The following TNFSF4 variants were observed in gnomAD, a reference collection of about 807,000 sequenced individuals.
TNFSF4 encodes TNF superfamily member 4, also known as tumor necrosis factor ligand superfamily member 4.
Under a neutral mutation model 7.3 loss-of-function variants are expected in TNFSF4, and 4 were observed. That is an observed-to-expected ratio of 0.55 (90% CI 0.27 to 1.25). The LOEUF (loss-of-function observed/expected upper bound fraction) is 1.25. Among genes scored for constraint, TNFSF4 ranks in the 50% most tolerant of loss-of-function variants. The pLI is 0.12. For missense variants in TNFSF4, 181 were observed against 208.8 expected (o/e 0.87, Z 0.82); for synonymous variants, 76 against 83.7 (o/e 0.91, Z 0.50).
At chr1:173,340,484 T>C in the TNFSF4 span, among the ~76,000 whole-genome samples, 2 of 152,010 alleles carry the variant, frequency 1.3e-5, no homozygotes, top group Admixed American at 6.6e-5. Context: ...TTTGAGGTGA[T>C]GAGCCTGACC....
the TNFSF4 span, among the ~76,000 whole-genome samples, chr1:173,357,585 G>A: frequency 7.2e-5 from 11 of 152,088 alleles, no homozygotes; most frequent in East Asian, 9.7e-4. Flanking sequence ...AGGCTGGAGC[G>A]CAATGGTGCA....
In TNFSF4 at chr1:173,186,723, A is replaced by G. The variant is rs1649243049; in HGVS notation, c.345T>C (p.Ile115=). ...CCTCATCCTTCTGGTAATGAAGGCTAATGTTGACTTCCTGGGAGAAGTAGC... is the reference window on the plus strand; with the variant it reads ...CCTCATCCTTCTGGTAATGAAGGCTGATGTTGACTTCCTGGGAGAAGTAGC... ...LKGYFSQEVN[I]SLHYQKDEEP... The change falls in exon 3 of 3, where the codon ATT becomes ATC. Residue 115 remains isoleucine, a synonymous_variant. Coordinates refer to ENST00000281834, the MANE Select transcript of TNFSF4 (RefSeq NM_003326.5). 1 of 1,614,102 alleles carries G rather than the reference A, an allele frequency of 6.2e-7. No individual in the cohort carries two copies.
At chr1:173,173,585 C>T in the TNFSF4 span, among the ~76,000 whole-genome samples, 1 of 152,248 alleles carries the variant, frequency 6.6e-6, no homozygotes. Context: ...TCCATACATC[C>T]TCTGAAATCT....
the TNFSF4 span, among the ~76,000 whole-genome samples, chr1:173,220,650 A>C: frequency 2.0e-5 from 3 of 152,248 alleles, no homozygotes; most frequent in Non-Finnish European, 4.4e-5. Context: ...CTTACTAGAA[A>C]AGACACAAGA....
chr1:173,223,416 A>G, the TNFSF4 span, among the ~76,000 whole-genome samples: 2 of 152,154 alleles, frequency 1.3e-5, no homozygotes, highest in African/African-American at 2.4e-5. Flanking sequence ...CCACTCTAGA[A>G]AAGAATATTT....
the TNFSF4 span, among the ~76,000 whole-genome samples, chr1:173,424,289 C>A: frequency 2.0e-5 from 3 of 152,202 alleles, no homozygotes; most frequent in Non-Finnish European, 4.4e-5. Context: ...ATGGGCAAGA[C>A]TCTATGGGAA....
chr1:173,425,571 A>C, the TNFSF4 span, among the ~76,000 whole-genome samples: 2 of 152,254 alleles, frequency 1.3e-5, no homozygotes, highest in African/African-American at 4.8e-5. Flanking sequence ...GATATGGGGA[A>C]GAAGAGCAGA....
the TNFSF4 span, among the ~76,000 whole-genome samples, chr1:173,283,775 A>G: frequency 6.6e-6 from 1 of 152,144 alleles, no homozygotes; most frequent in African/African-American, 2.4e-5. Flanking sequence ...GTAAATCTAA[A>G]CATTTTATTT....
At chr1:173,367,293 G>A in the TNFSF4 span, among the ~76,000 whole-genome samples, 1 of 152,106 alleles carries the variant, frequency 6.6e-6, no homozygotes, top group Non-Finnish European at 1.5e-5. Flanking sequence ...ATTTTACCAT[G>A]GCACACATTC....
At chr1:173,258,485 AG>A in the TNFSF4 span, among the ~76,000 whole-genome samples, 1 of 152,186 alleles carries the variant, frequency 6.6e-6, no homozygotes, top group Non-Finnish European at 1.5e-5. Flanking sequence ...CCTGCGGATC[AG>A]GAGATCCCCT....
At chr1:173,439,846 G>C in the TNFSF4 span, among the ~76,000 whole-genome samples, 1 of 152,058 alleles carries the variant, frequency 6.6e-6, no homozygotes, top group Non-Finnish European at 1.5e-5. Flanking sequence ...CAGAGGCTTG[G>C]GGGGAAGGTT....
chr1:173,414,556 C>T, the TNFSF4 span, among the ~76,000 whole-genome samples: 3 of 152,210 alleles, frequency 2.0e-5, no homozygotes, highest in African/African-American at 7.2e-5. Flanking sequence ...AAAGCCTTGG[C>T]ACTTTTCAGT....
In TNFSF4 at chr1:173,194,762, G is replaced by A. The variant is rs1349955620; in HGVS notation, c.154-6193C>T. On this transcript the variant is annotated intron_variant, in intron 1 of 2. Coordinates refer to ENST00000281834, the MANE Select transcript of TNFSF4 (RefSeq NM_003326.5). ...ATAAAAAAAATAGCTGGACATGGTG[G>A]TACACCTCTGTGGTCCCAACTGCTT... 1.3e-5 allele frequency among the ~76,000 whole-genome samples: 2 copies of A among 151,604 alleles called. 1 individual carries two copies.
At chr1:173,352,894 C>A in the TNFSF4 span, among the ~76,000 whole-genome samples, 3 of 152,158 alleles carry the variant, frequency 2.0e-5, no homozygotes, top group South Asian at 6.2e-4. Flanking sequence ...GGAATGCATT[C>A]TTTTCCCAAG....
the TNFSF4 span, among the ~76,000 whole-genome samples, chr1:173,420,346 A>T: frequency 6.6e-6 from 1 of 152,226 alleles, no homozygotes; most frequent in Admixed American, 6.5e-5. Context: ...CACCTCTCGT[A>T]GCCAGCTGCT....
At chr1:173,344,226 T>C in the TNFSF4 span, among the ~76,000 whole-genome samples, 1 of 152,344 alleles carries the variant, frequency 6.6e-6, no homozygotes, top group East Asian at 1.9e-4. Context: ...ACTGTGCTGA[T>C]GTAACATTGC....
chr1:173,189,581 A>G (rs1411588560), intron 1 of TNFSF4, among the ~76,000 whole-genome samples: 2 of 152,240 alleles, frequency 1.3e-5, no homozygotes, highest in Non-Finnish European at 2.9e-5. Flanking sequence ...AAACTTTTAC[A>G]GTACTTTTGT....
At chr1:173,395,912 C>T in the TNFSF4 span, among the ~76,000 whole-genome samples, 1 of 152,060 alleles carries the variant, frequency 6.6e-6, no homozygotes, top group African/African-American at 2.4e-5. Flanking sequence ...CCAGTGGTAG[C>T]ACTTACCCAC....
chr1:173,334,130 A>G, the TNFSF4 span, among the ~76,000 whole-genome samples: 1 of 152,150 alleles, frequency 6.6e-6, no homozygotes, highest in Non-Finnish European at 1.5e-5. Context: ...CTAAGGAAAC[A>G]GAATGCTAAG....
Sources: allele counts gnomAD v4.1 joint callset (sites outside exome capture counted in the v4.1 genomes callset), GRCh38; gene constraint gnomAD v4.1.1; transcripts MANE v1.5; gene names NCBI Gene and HGNC (gene_info 2026-07-23, HGNC 2026-07-21).